The following CPEB1 variants were observed in gnomAD, a reference collection of about 807,000 sequenced individuals.
CPEB1 encodes cytoplasmic polyadenylation element-binding protein 1.
In CPEB1, 7 loss-of-function variants were observed where a neutral mutation model predicts 65.8. The ratio of observed to expected loss-of-function variants is 0.11; its 90% CI spans 0.06 to 0.20. CPEB1 has a LOEUF of 0.20. Ranked by LOEUF, CPEB1 falls within the 10% of genes least tolerant of loss-of-function variation. CPEB1 has a pLI of 1.00. For synonymous variants in CPEB1, 262 were observed against 260.0 expected, an observed-to-expected ratio of 1.01 and a Z score of -0.08; for missense variants, 551 against 712.2, an observed-to-expected ratio of 0.77 and a Z score of 2.58.
chr15:82,595,779 G>A (rs934727393), intron 3 of CPEB1, among the ~76,000 whole-genome samples: 4 of 152,118 alleles, frequency 2.6e-5, no homozygotes, highest in African/African-American at 9.7e-5. Context: ...ACTAATAAAC[G>A]AAAAACAGAG....
chr15:82,618,391 G>A (rs532185917), intron 3 of CPEB1, among the ~76,000 whole-genome samples: 1 of 152,064 alleles, frequency 6.6e-6, no homozygotes, highest in East Asian at 1.9e-4. Context: ...TGCACAATAC[G>A]TATGTATGTA....
chr15:82,599,705 A>T (rs1161959376), intron 3 of CPEB1, among the ~76,000 whole-genome samples: 1 of 152,180 alleles, frequency 6.6e-6, no homozygotes, highest in Non-Finnish European at 1.5e-5. Flanking sequence ...CATACCCAAG[A>T]AGGGAAATGA....
At chr15:82,555,010 TGAGC>T (rs1441221807) in intron 6 of CPEB1, among the ~76,000 whole-genome samples, 1 of 152,154 alleles carries the variant, frequency 6.6e-6, no homozygotes, top group African/African-American at 2.4e-5. Flanking sequence ...CCCAACTCTG[TGAGC>T]AAACAGACAC....
intron 1 of CPEB1, chr15:82,628,928 G>C (rs1008349163): frequency 6.3e-6 from 1 of 158,718 alleles, no homozygotes; most frequent in Non-Finnish European, 1.4e-5. Flanking sequence ...AACTGTTTAT[G>C]TTATCGGTAA....
intron 3 of CPEB1, among the ~76,000 whole-genome samples, chr15:82,578,768 C>CA (rs1251190288): frequency 9.2e-5 from 14 of 152,076 alleles, no homozygotes; most frequent in African/African-American, 3.4e-4. Context: ...AAAAAACAAA[C>CA]AAACAAAAAA....
chr15:82,628,066 AG>A (rs2045922547), intron 2 of CPEB1: 12 of 625,138 alleles, frequency 1.9e-5, no homozygotes, highest in South Asian at 7.8e-5. Context: ...GCTACTCTAC[AG>A]AAAGGATTGT....
upstream of CPEB1, chr15:82,647,592 C>A (rs1323469703): frequency 6.2e-6 from 2 of 322,424 alleles, no homozygotes; most frequent in East Asian, 9.7e-5. Flanking sequence ...CAGTGCGGCT[C>A]GGAGGCCCCA....
At chr15:82,622,160 G>A (rs916881760) in intron 3 of CPEB1, among the ~76,000 whole-genome samples, 2 of 152,098 alleles carry the variant, frequency 1.3e-5, no homozygotes, top group Admixed American at 1.3e-4. Context: ...GGAATGTGGA[G>A]AGGGCCCTCT....
At chr15:82,580,191 C>A (rs912505707) in intron 3 of CPEB1, among the ~76,000 whole-genome samples, 1 of 150,390 alleles carries the variant, frequency 6.6e-6, no homozygotes, top group African/African-American at 2.4e-5. Flanking sequence ...CATGGTGCCA[C>A]GTGCCTGTAG....
intron 3 of CPEB1, among the ~76,000 whole-genome samples, chr15:82,577,956 C>A (rs1011580154): frequency 6.6e-6 from 1 of 151,844 alleles, no homozygotes; most frequent in Non-Finnish European, 1.5e-5. Context: ...CTGGCTAACA[C>A]GGTGAAACCC....
intron 1 of CPEB1, among the ~76,000 whole-genome samples, chr15:82,634,693 A>G (rs1348389925): frequency 6.6e-6 from 1 of 152,012 alleles, no homozygotes; most frequent in African/African-American, 2.4e-5. Context: ...TTCACACTAA[A>G]AATTTTTCTG....
At chr15:82,634,421 G>A (rs949965945) in intron 1 of CPEB1, among the ~76,000 whole-genome samples, 1 of 152,034 alleles carries the variant, frequency 6.6e-6, no homozygotes, top group Non-Finnish European at 1.5e-5. Context: ...CTTTACTTGG[G>A]GATACTCACC....
At position 82,571,489 on chromosome 15, in the gene CPEB1, G is replaced by A. The variant is rs1213709792; in HGVS notation, c.315C>T (p.Phe105=). Residue 105 remains phenylalanine (F), a synonymous_variant, in exon 4 of 13, where the codon TTC becomes TTT. Coordinates refer to ENST00000684509, the MANE Select transcript of CPEB1 (RefSeq NM_001365242.1). ...SEETVTSRML[F]PTSAQESSRG... Reference sequence around the variant, plus strand: ...GGGAAGATTCTTGCGCAGAGGTTGGGAAAAGCATCCTGCTTGTAACTGTTT... The same window carrying A: ...GGGAAGATTCTTGCGCAGAGGTTGGAAAAAGCATCCTGCTTGTAACTGTTT... 2 of 1,614,046 alleles carry A rather than the reference G, an allele frequency of 1.2e-6. No homozygotes were observed. Among genetic ancestry groups the A allele is most frequent in the African/African-American group, 2.7e-5 (2 of 74,914 alleles).
intron 3 of CPEB1, among the ~76,000 whole-genome samples, chr15:82,600,883 A>G (rs1324689127): frequency 6.7e-6 from 1 of 149,468 alleles, no homozygotes; most frequent in Admixed American, 6.7e-5. Flanking sequence ...TTTTTTAAAG[A>G]ACCCAGAACT....
intron 3 of CPEB1, among the ~76,000 whole-genome samples, chr15:82,619,060 G>A (rs544084716): frequency 1.3e-5 from 2 of 152,252 alleles, no homozygotes; most frequent in Non-Finnish European, 2.9e-5. Flanking sequence ...AACTATCAAA[G>A]CCTATTATAA....
intron 3 of CPEB1, among the ~76,000 whole-genome samples, chr15:82,573,393 CT>C (rs3840839): frequency 0.4 from 60,397 of 151,646 alleles, 12,070 homozygotes; most frequent in South Asian, 0.47. Flanking sequence ...GCCCCTACCC[CT>C]GACTACTCCC....
In CPEB1 at chr15:82,606,812, C is replaced by T. The variant is rs1018166405; in HGVS notation, c.271+20381G>A. On this transcript the variant is annotated intron_variant, in intron 3 of 12. Transcript: ENST00000684509. Reference sequence around the variant, plus strand: ...CAGCCTGGGCGACAGAGCGAGACTCCGTCTCAAAAAAAAAAAAAAAAAAAT... The same window carrying T: ...CAGCCTGGGCGACAGAGCGAGACTCTGTCTCAAAAAAAAAAAAAAAAAAAT... 7.2e-3 allele frequency among the ~76,000 whole-genome samples: 287 copies of T among 40,014 alleles called. 34 individuals carry two copies. Among genetic ancestry groups the T allele is most frequent in the Admixed American group, 0.022 (98 of 4,558 alleles). The allele number at this position is 40,014 out of a possible 152,430, so 26.3% of individuals were successfully genotyped here. A position where few individuals can be genotyped will look rare whatever the true frequency, so the allele number is the denominator to read the frequency against.
At chr15:82,546,003 T>C (rs985748571) in intron 12 of CPEB1, among the ~76,000 whole-genome samples, 1 of 84,312 alleles carries the variant, frequency 1.2e-5, no homozygotes, top group East Asian at 2.5e-4. Flanking sequence ...CTATCTAAAG[T>C]ATGTCTGTCC....
chr15:82,591,892 G>A lies in CPEB1; in HGVS notation c.272-20360C>T, dbSNP rs551386917. 1.2e-4 allele frequency among the ~76,000 whole-genome samples: 18 copies of A among 150,290 alleles called. No homozygotes were observed. In the East Asian group the frequency reaches 3.3e-3, roughly 28 times the overall value. ...GGGTCTTAATCTGTCACCCAGGCTG[G>A]AGTGCAAGTGGCACTATCTTGGCTC... On this transcript the variant is annotated intron_variant, in intron 3 of 12. Transcript: ENST00000684509.
Sources: gnomAD v4.1 joint callset for allele counts (sites outside exome capture counted in the v4.1 genomes callset) on GRCh38, gnomAD v4.1.1 for gene constraint, MANE v1.5 for transcripts, NCBI Gene and HGNC (gene_info 2026-07-23, HGNC 2026-07-21) for gene names.